Variants in NOS1AP observed in about 807,000 individuals in gnomAD.
The protein encoded by NOS1AP is nitric oxide synthase 1 adaptor protein, also known as carboxyl-terminal PDZ ligand of neuronal nitric oxide synthase protein.
In NOS1AP, 21 loss-of-function variants were observed where a neutral mutation model predicts 56.2. The ratio of observed to expected loss-of-function variants is 0.37; its 90% CI spans 0.26 to 0.54. NOS1AP has a LOEUF of 0.54. Ranked by LOEUF, NOS1AP falls within the 20% of genes least tolerant of loss-of-function variation. The probability of loss-of-function intolerance (pLI) is 0.84; values close to 1 mark genes in which losing one functional copy is unlikely to be tolerated. For missense variants in NOS1AP, 522 were observed against 657.8 expected, an observed-to-expected ratio of 0.79 and a Z score of 2.26; for synonymous variants, 270 against 274.6, an observed-to-expected ratio of 0.98 and a Z score of 0.17.
chr1:162,141,730 A>G (rs183944498), intron 1 of NOS1AP, among the ~76,000 whole-genome samples: 1 of 152,078 alleles, frequency 6.6e-6, no homozygotes, highest in African/African-American at 2.4e-5. Context: ...CAGACTTTCT[A>G]CTTCCCTTTA....
At chr1:162,265,193 A>G (rs1654380183) in intron 2 of NOS1AP, among the ~76,000 whole-genome samples, 1 of 150,382 alleles carries the variant, frequency 6.6e-6, no homozygotes, top group Non-Finnish European at 1.5e-5. Context: ...TTTCCTGACT[A>G]TGTTACTTCT....
chr1:162,073,745 C>A (rs1427784322), intron 1 of NOS1AP, among the ~76,000 whole-genome samples: 1 of 152,236 alleles, frequency 6.6e-6, no homozygotes, highest in Non-Finnish European at 1.5e-5. Context: ...CAGGCGTGAA[C>A]CACTGCGCCC....
At chr1:162,356,862 G>T in intron 7 of NOS1AP, 98 bp from the exon 8 acceptor site, 4 of 1,606,112 alleles carry the variant, frequency 2.5e-6, no homozygotes, top group Non-Finnish European at 3.4e-6. Context: ...GGTTGTAAGT[G>T]TGCCAATTTG....
chr1:162,362,461 GAAGA>G (rs1657935847), intron 8 of NOS1AP, among the ~76,000 whole-genome samples: 1 of 118,242 alleles, frequency 8.5e-6, no homozygotes, highest in Non-Finnish European at 1.8e-5. Context: ...AAAAAAAAAA[GAAGA>G]AAAAAGAAAG....
At chr1:162,175,175 C>G (rs1325054024) in intron 2 of NOS1AP, among the ~76,000 whole-genome samples, 4 of 150,800 alleles carry the variant, frequency 2.7e-5, no homozygotes, top group Non-Finnish European at 4.4e-5. Flanking sequence ...AGTCGTTATG[C>G]ATGGTCTGCA....
chr1:162,363,860 C>T, intron 8 of NOS1AP: 2 of 985,420 alleles, frequency 2.0e-6, no homozygotes, highest in Non-Finnish European at 1.2e-6. Context: ...CAGTTCTGTC[C>T]TTAGCAGCTT....
In NOS1AP at chr1:162,087,609, C is replaced by A. The variant is rs115915457; in HGVS notation, c.105+17327C>A. ...CAGAGCTGATTTAGAACCTAAATCT[C>A]AGAGGTGATCTCTGAGGTCTCTTCC... is the stretch of plus-strand genomic sequence containing the variant. On this transcript the variant is annotated intron_variant, in intron 1 of 9. Transcript: ENST00000361897. Among the ~76,000 whole-genome samples the A allele has an allele frequency of 3.6e-3, 554 of 152,232 alleles. 2 individuals carry two copies. Among genetic ancestry groups the A allele is most frequent in the African/African-American group, 0.013 (520 of 41,546 alleles).
chr1:162,339,799 G>A (rs10800464), intron 5 of NOS1AP, among the ~76,000 whole-genome samples: 42,167 of 152,132 alleles, frequency 0.28, 6,244 homozygotes, highest in East Asian at 0.53. Flanking sequence ...GGCCTAGCAG[G>A]CAGGAGCCAG....
intron 2 of NOS1AP, among the ~76,000 whole-genome samples, chr1:162,189,038 CAG>C (rs1294438004): frequency 1.3e-5 from 2 of 152,060 alleles, no homozygotes; most frequent in African/African-American, 4.8e-5. Flanking sequence ...GCCTGGGCGA[CAG>C]AGTGAGACTT....
At position 162,367,532 on chromosome 1, in the gene NOS1AP, G is replaced by A; in HGVS notation, c.*65G>A. On this transcript the variant is annotated 3_prime_UTR_variant, in exon 10 of 10. Transcript: ENST00000361897. The surrounding 1 kb of genome is among the most constrained non-coding windows in gnomAD (Gnocchi z 6.5). ...AGGGGCCGTGTCTGGCTGCTGCCCG[G>A]GTAGGGGATGCCCAGTGAATGTGCA... The A allele has an allele frequency of 6.8e-6, 10 of 1,477,998 alleles. No individual in the cohort carries two copies. Among genetic ancestry groups the A allele is most frequent in the Non-Finnish European group, 9.0e-6 (10 of 1,108,516 alleles). 91.6% of individuals were successfully genotyped at this position (1,477,998 alleles called of 1,614,324 possible).
intron 1 of NOS1AP, among the ~76,000 whole-genome samples, chr1:162,138,747 C>T (rs1018519880): frequency 1.6e-4 from 25 of 152,314 alleles, no homozygotes; most frequent in African/African-American, 5.3e-4. Flanking sequence ...ATGTGCTTAG[C>T]TGGCAAGGCT....
intron 4 of NOS1AP, chr1:162,317,599 G>C (rs1656271487): frequency 6.6e-6 from 1 of 152,136 alleles, no homozygotes; most frequent in African/African-American, 2.4e-5. Flanking sequence ...GATCCCAAGA[G>C]AGCATGTAGT....
intron 1 of NOS1AP, among the ~76,000 whole-genome samples, chr1:162,093,233 G>A (rs1337062): frequency 0.62 from 94,738 of 151,956 alleles, 29,880 homozygotes; most frequent in Non-Finnish European, 0.67. Flanking sequence ...AAATAAGAAG[G>A]GGATTATGAA....
At position 162,367,614 on chromosome 1, in the gene NOS1AP, T is replaced by C. The variant is rs1658142990; in HGVS notation, c.*147T>C. ...AGAGTGTGAGGTTTCAGGAAAGTAT[T>C]GAGATTCTGCTTTGGAGGGTAAAGT... is the stretch of plus-strand genomic sequence containing the variant. On this transcript the variant is annotated 3_prime_UTR_variant, in exon 10 of 10. Transcript: ENST00000361897. The surrounding 1 kb of genome is among the most constrained non-coding windows in gnomAD (Gnocchi z 6.5). 2.2e-6 allele frequency: 2 copies of C among 892,194 alleles called. No individual in the cohort carries two copies. The highest frequency in any genetic ancestry group is 2.7e-5 in the East Asian group (1 of 37,398). 55.3% of individuals were successfully genotyped at this position (892,194 alleles called of 1,614,324 possible).
intron 2 of NOS1AP, among the ~76,000 whole-genome samples, chr1:162,207,983 TG>T (rs1399453695): frequency 6.6e-6 from 1 of 152,228 alleles, no homozygotes; most frequent in Non-Finnish European, 1.5e-5. Context: ...ATACATACCC[TG>T]CGCTAGGCAC....
chr1:162,282,251 C>A (rs1012266769), intron 2 of NOS1AP, among the ~76,000 whole-genome samples: 6 of 152,228 alleles, frequency 3.9e-5, no homozygotes, highest in Admixed American at 3.3e-4. Flanking sequence ...AAACAACTTC[C>A]ATTTCCCCTT....
intron 4 of NOS1AP, among the ~76,000 whole-genome samples, chr1:162,310,912 C>T (rs116346802): frequency 0.013 from 1,970 of 151,280 alleles, 20 homozygotes; most frequent in Non-Finnish European, 0.02. Context: ...CTTCTGGACC[C>T]ATCTTCGCTT....
intron 5 of NOS1AP, chr1:162,342,692 C>A: frequency 2.5e-6 from 1 of 407,106 alleles, no homozygotes. Flanking sequence ...AATGTAATAC[C>A]AGCTACCTCA....
At chr1:162,145,095 A>G (rs574478882) in intron 1 of NOS1AP, among the ~76,000 whole-genome samples, 1 of 152,326 alleles carries the variant, frequency 6.6e-6, no homozygotes, top group South Asian at 2.1e-4. Context: ...ATAGTGACAC[A>G]GTTGCATCAG....
Sources: allele counts gnomAD v4.1 joint callset (sites outside exome capture counted in the v4.1 genomes callset), GRCh38; gene constraint gnomAD v4.1.1; non-coding constraint Gnocchi (gnomAD v3.1); transcripts MANE v1.5; gene names NCBI Gene and HGNC (gene_info 2026-07-23, HGNC 2026-07-21).